The following ATP11B variants were observed in gnomAD, a reference collection of about 807,000 sequenced individuals.
ATP11B encodes phospholipid-transporting ATPase IF.
ATP11B carries 81 observed loss-of-function variants against 157.8 expected under a neutral mutation model. The observed-to-expected ratio is 0.51, with a 90% CI of 0.43 to 0.62. ATP11B has a LOEUF of 0.62. Ranked by LOEUF, ATP11B falls within the 20% of genes least tolerant of loss-of-function variation. ATP11B has a pLI of 0.00. For synonymous variants in ATP11B, 451 were observed against 469.4 expected, an observed-to-expected ratio of 0.96 and a Z score of 0.51; for missense variants, 1,165 against 1,402.2, an observed-to-expected ratio of 0.83 and a Z score of 2.70.
At chr3:182,902,283 TAA>T (rs942177443) in intron 28 of ATP11B, among the ~76,000 whole-genome samples, 1 of 152,204 alleles carries the variant, frequency 6.6e-6, no homozygotes, top group African/African-American at 2.4e-5. Context: ...AATGTGGTGT[TAA>T]GAGTGAAGAA....
At chr3:182,873,609 G>A (rs1721822419) in intron 18 of ATP11B, among the ~76,000 whole-genome samples, 1 of 152,144 alleles carries the variant, frequency 6.6e-6, no homozygotes, top group Non-Finnish European at 1.5e-5. Flanking sequence ...GGTTGATTTT[G>A]TGTTAACCAG....
At chr3:182,914,446 G>A (rs577975160) in intron 29 of ATP11B, 10 of 985,052 alleles carry the variant, frequency 1.0e-5, no homozygotes, top group Non-Finnish European at 1.2e-5. Context: ...ATATTTTCCA[G>A]TTGGTTATTT....
intron 2 of ATP11B, among the ~76,000 whole-genome samples, chr3:182,826,987 A>C (rs1249922448): frequency 6.6e-6 from 1 of 152,202 alleles, no homozygotes. Context: ...ATATTATCTC[A>C]GAAAAAACCC....
At chr3:182,889,150 C>T (rs1428424295) in intron 24 of ATP11B, among the ~76,000 whole-genome samples, 2 of 152,128 alleles carry the variant, frequency 1.3e-5, no homozygotes, top group South Asian at 2.1e-4. Flanking sequence ...CTTAAGCCAT[C>T]GCACCCAGTC....
At chr3:182,830,021 C>A in intron 4 of ATP11B, 1 of 739,076 alleles carries the variant, frequency 1.4e-6, no homozygotes, top group Non-Finnish European at 1.7e-6. Context: ...TATGTATAAA[C>A]CATTTATATA....
intron 10 of ATP11B, among the ~76,000 whole-genome samples, chr3:182,856,463 G>A (rs1720411093): frequency 6.6e-6 from 1 of 152,154 alleles, no homozygotes; most frequent in African/African-American, 2.4e-5. Flanking sequence ...CAGGCATTTT[G>A]TTGCCACAAG....
intron 12 of ATP11B, among the ~76,000 whole-genome samples, chr3:182,864,882 G>C (rs1721110354): frequency 6.6e-6 from 1 of 151,920 alleles, no homozygotes; most frequent in African/African-American, 2.4e-5. Flanking sequence ...AAAATAATTT[G>C]TCTTACTTAC....
In ATP11B at chr3:182,848,542, G is replaced by C; in HGVS notation, c.836G>C (p.Arg279Pro). ...AATTACAAGAGCAAATCACAGAAAC[G>C]ATCTGCAGTAGAAAAGTAAGAAAAC... ...ALNYKSKSQKRSAVEKSMNTF... is the reference protein window; with the variant it reads ...ALNYKSKSQKPSAVEKSMNTF... Residue 279 changes from arginine (R) to proline (P), a missense_variant, in exon 10 of 30, where the codon CGA (arginine) becomes CCA (proline). Around this residue, in one of 4 missense-constraint regions of ATP11B, gnomAD observed 737 missense variants for 930.5 expected, o/e 0.79. Transcript: ENST00000323116. The C allele has an allele frequency of 1.3e-6, 2 of 1,555,590 alleles. No individual in the cohort carries two copies. Among genetic ancestry groups the C allele is most frequent in the Non-Finnish European group, 1.7e-6 (2 of 1,149,238 alleles).
chr3:182,878,986 T>A (rs1308834893), intron 19 of ATP11B, among the ~76,000 whole-genome samples: 1 of 152,190 alleles, frequency 6.6e-6, no homozygotes, highest in Admixed American at 6.5e-5. Context: ...TAAAATTGAA[T>A]ATTAGGCTGG....
chr3:182,867,362 C>A lies in ATP11B; in HGVS notation c.1620-14C>A. On this transcript the variant is annotated splice_polypyrimidine_tract_variant and intron_variant, in intron 14 of 29. Transcript: ENST00000323116. ...ATTTCTTAAGTCTCACTTTTTTATC[C>A]TTTTGATGTCTAGGATTGGTATTGT... is the stretch of plus-strand genomic sequence containing the variant. 1 of 1,555,522 alleles carries A rather than the reference C, an allele frequency of 6.4e-7. No individual in the cohort carries two copies. Among genetic ancestry groups the A allele is most frequent in the Non-Finnish European group, 8.9e-7 (1 of 1,128,240 alleles).
chr3:182,896,235 A>G (rs939327892), intron 25 of ATP11B, among the ~76,000 whole-genome samples: 1 of 152,132 alleles, frequency 6.6e-6, no homozygotes, highest in Non-Finnish European at 1.5e-5. Context: ...CCTTCCTTTC[A>G]GATACAGGTT....
chr3:182,807,866 A>G (rs1314012628), intron 1 of ATP11B, among the ~76,000 whole-genome samples: 2 of 152,112 alleles, frequency 1.3e-5, no homozygotes, highest in East Asian at 3.8e-4. Context: ...TCATTTTGGT[A>G]TTTCCATAGT....
intron 1 of ATP11B, 124 bp from the exon 2 acceptor site, chr3:182,820,136 C>T (rs1277108058): frequency 6.1e-6 from 4 of 660,570 alleles, no homozygotes; most frequent in Non-Finnish European, 1.1e-5. Flanking sequence ...TGGATTGAGT[C>T]TATATGCATT....
In ATP11B at chr3:182,889,419, T is replaced by C; in HGVS notation, c.2853T>C (p.Ser951=). The change falls in exon 25 of 30, where the codon AGT becomes AGC. Residue 951 remains serine, a synonymous_variant. Coordinates refer to ENST00000323116, the MANE Select transcript of ATP11B (RefSeq NM_014616.3). ...QNKPTLYRDI[S]KNRLLSIKTF... ...CTCTTCTTTTTAACAGAGACATTAG[T>C]AAAAACCGCCTCTTAAGTATTAAAA... 1 of 1,566,320 alleles carries C rather than the reference T, an allele frequency of 6.4e-7. No homozygotes were observed. Among genetic ancestry groups the C allele is most frequent in the Non-Finnish European group, 8.6e-7 (1 of 1,160,458 alleles).
At chr3:182,893,394 T>C (rs543645768) in intron 25 of ATP11B, among the ~76,000 whole-genome samples, 244 of 152,264 alleles carry the variant, frequency 1.6e-3, no homozygotes, top group Non-Finnish European at 2.6e-3. Context: ...CATATGCCTT[T>C]GCGTCCCCAT....
intron 28 of ATP11B, among the ~76,000 whole-genome samples, chr3:182,901,487 A>C (rs1051027280): frequency 1.3e-5 from 2 of 152,172 alleles, no homozygotes; most frequent in South Asian, 4.1e-4. Flanking sequence ...AGCATCCTTA[A>C]TACAAAATCT....
At chr3:182,882,293 A>C (rs543851899) in intron 21 of ATP11B, among the ~76,000 whole-genome samples, 51 of 152,270 alleles carry the variant, frequency 3.3e-4, no homozygotes, top group African/African-American at 1.2e-3. Flanking sequence ...TTTTCATAGC[A>C]ATTTGATGAT....
At chr3:182,910,993 T>C (rs73054662) in intron 28 of ATP11B, among the ~76,000 whole-genome samples, 2,601 of 152,298 alleles carry the variant, frequency 0.017, 85 homozygotes, top group African/African-American at 0.059. Context: ...GTTATAAACA[T>C]ACTTTGTCCA....
intron 9 of ATP11B, 42 bp from the exon 10 acceptor site, chr3:182,848,434 C>G: frequency 9.1e-7 from 1 of 1,094,840 alleles, no homozygotes; most frequent in Non-Finnish European, 1.3e-6. Context: ...GTGAAACATG[C>G]TAGAGGATTA....
Sources: gnomAD v4.1 joint callset for allele counts (sites outside exome capture counted in the v4.1 genomes callset) on GRCh38, gnomAD v4.1.1 for gene constraint, gnomAD v4.1.1 regional missense constraint, MANE v1.5 for transcripts, NCBI Gene and HGNC (gene_info 2026-07-23, HGNC 2026-07-21) for gene names.